Variants in SMC4 observed in about 807,000 individuals in gnomAD.
SMC4 encodes structural maintenance of chromosomes protein 4.
SMC4 carries 87 observed loss-of-function variants against 145.6 expected under a neutral mutation model. The ratio of observed to expected loss-of-function variants is 0.60; its 90% CI spans 0.50 to 0.71. The LOEUF (loss-of-function observed/expected upper bound fraction) is 0.71. Ranked by LOEUF, SMC4 falls within the 30% of genes least tolerant of loss-of-function variation. The pLI is 0.00. For synonymous variants in SMC4, 558 were observed against 500.7 expected (o/e 1.11, Z -1.53); for missense variants, 1,447 against 1,537.1 (o/e 0.94, Z 0.98).
chr3:160,416,395 G>T lies in SMC4; in HGVS notation c.1417G>T (p.Gly473Trp). The T allele has an allele frequency of 2.0e-6, 3 of 1,493,272 alleles. No individual in the cohort carries two copies. The highest frequency in any genetic ancestry group is 2.7e-6 in the Non-Finnish European group (3 of 1,123,530). 92.5% of individuals were successfully genotyped at this position (1,493,272 alleles called of 1,614,324 possible). Residue 473 changes from glycine (G) to tryptophan (W), a missense_variant, in exon 10 of 24, where the codon GGG (glycine) becomes TGG (tryptophan). Transcript: ENST00000357388. The stretch of plus-strand genomic sequence containing the variant: ...GGATAGCCTTAAACAGGAAACACAA[G>T]GGCTTCAGAAAGAAAAAGAAGTAAG... ...VMDSLKQETQ[G>W]LQKEKESREK...
In SMC4 at chr3:160,423,762, T is replaced by C; in HGVS notation, c.2247T>C (p.Gly749=). ...TGACTTCTCTCCCCTGTTTTCCAGG[T>C]ACAATGACTGGTGGTGGAAGCAAAG... ...TLQGQIIEQS[G]TMTGGGSKVM... The change falls in exon 15 of 24, where the codon GGT becomes GGC. Residue 749 remains glycine (G), a splice_region_variant and synonymous_variant. Coordinates refer to ENST00000357388, the MANE Select transcript of SMC4 (RefSeq NM_001002800.3). The C allele has an allele frequency of 1.9e-6, 3 of 1,613,438 alleles. No homozygotes were observed. Among genetic ancestry groups the C allele is most frequent in the Non-Finnish European group, 2.5e-6 (3 of 1,179,734 alleles).
At chr3:160,428,204 CT>C in intron 17 of SMC4, among the ~76,000 whole-genome samples, 1 of 152,292 alleles carries the variant, frequency 6.6e-6, no homozygotes, top group South Asian at 2.1e-4. Flanking sequence ...TATGCAAGTA[CT>C]TTTGATTGAA....
intron 1 of SMC4, 41 bp from the exon 2 acceptor site, chr3:160,400,781 G>C: frequency 6.9e-7 from 1 of 1,457,100 alleles, no homozygotes; most frequent in Non-Finnish European, 9.0e-7. Flanking sequence ...CGGTGTAGCG[G>C]CCCGCGGGCT....
chr3:160,404,503 A>G lies in SMC4; in HGVS notation c.686A>G (p.Gln229Arg). The change falls in exon 5 of 24, where the codon CAG (glutamine) becomes CGG (arginine). Residue 229 changes from glutamine to arginine, a missense_variant and splice_region_variant. Physicochemically the swap from Gln to Arg is conservative, Grantham distance 43 (BLOSUM62 1). Transcript: ENST00000357388. ...DLDHNRFLIL[Q>R]GEVEQIAMMK... ...GACCATAATAGATTTTTAATTTTAC[A>G]GGTAAGTTTATTAAAGACTTCAAAG... is the stretch of plus-strand genomic sequence containing the variant. The G allele has an allele frequency of 2.5e-6, 4 of 1,601,610 alleles. No individual in the cohort carries two copies. Among genetic ancestry groups the G allele is most frequent in the Non-Finnish European group, 3.4e-6 (4 of 1,176,276 alleles).
intron 9 of SMC4, among the ~76,000 whole-genome samples, chr3:160,415,777 A>G (rs1049746506): frequency 6.6e-6 from 1 of 152,274 alleles, no homozygotes; most frequent in African/African-American, 2.4e-5. Flanking sequence ...AGTGATTATT[A>G]TCAGAAGATG....
intron 2 of SMC4, among the ~76,000 whole-genome samples, chr3:160,401,226 C>T (rs1316217678): frequency 6.6e-6 from 1 of 151,798 alleles, no homozygotes; most frequent in African/African-American, 2.4e-5. Flanking sequence ...TGGAATGGTA[C>T]AGGTCACAAA....
At position 160,423,387 on chromosome 3, in the gene SMC4, TA is replaced by T. The variant is rs756106939; in HGVS notation, c.2020-36del. 64 of 1,228,436 alleles carry T rather than the reference TA, an allele frequency of 5.2e-5. 3 individuals carry two copies. The South Asian group carries it at 9.5e-4, about 18-fold the overall frequency. 76.1% of individuals were successfully genotyped at this position (1,228,436 alleles called of 1,614,324 possible). On this transcript the variant is annotated intron_variant, in intron 13 of 23. Coordinates refer to ENST00000357388, the MANE Select transcript of SMC4 (RefSeq NM_001002800.3). ...TTTTTTTTTGAGTTTTCTTTTTTGT[TA>T]ACTGTTGTTTTTGTTTGTTTGTTTG...
At chr3:160,424,792 A>T (rs925719325) in intron 15 of SMC4, 75 bp from the exon 16 acceptor site, 38 of 1,560,438 alleles carry the variant, frequency 2.4e-5, no homozygotes, top group Non-Finnish European at 3.2e-5. Context: ...CCTGGGCGAC[A>T]GAAGTTTTAG....
chr3:160,414,276 T>TA (rs1716358566), intron 8 of SMC4, 91 bp from the exon 9 acceptor site: 1 of 1,042,452 alleles, frequency 9.6e-7, no homozygotes, highest in Non-Finnish European at 1.5e-6. Context: ...AGCCTGGACA[T>TA]ATTTATAGAG....
rs893867254 is a variant in SMC4 at position 160,433,286 on chromosome 3, T to G, written c.3714+77T>G. ...AACATTACACATGGAATTCTTTATT[T>G]CTTACAATTGAGCTTTTTCTTTATT... On this transcript the variant is annotated intron_variant, in intron 23 of 23. Coordinates refer to ENST00000357388, the MANE Select transcript of SMC4 (RefSeq NM_001002800.3). 1.5e-5 allele frequency: 15 copies of G among 1,031,770 alleles called. No homozygotes were observed. In the African/African-American group the frequency reaches 2.2e-4, roughly 15 times the overall value. The allele number at this position is 1,031,770 out of a possible 1,614,324, so 63.9% of individuals were successfully genotyped here.
chr3:160,432,870 GT>G, intron 22 of SMC4, 155 bp from the exon 23 acceptor site: 1 of 612,792 alleles, frequency 1.6e-6, no homozygotes. Context: ...CTCCAATAAC[GT>G]TTTTATAAAA....
intron 5 of SMC4, among the ~76,000 whole-genome samples, chr3:160,408,000 A>G (rs1715533803): frequency 6.6e-6 from 1 of 152,200 alleles, no homozygotes; most frequent in Non-Finnish European, 1.5e-5. Context: ...GGAGGAAGAT[A>G]AAGAACACTA....
rs1233169612 is a variant in SMC4, at chr3:160,428,834, A to C, written c.2687A>C (p.Asn896Thr). ...RLHNTIVEIN[N>T]HKLKAQQDKL... is the part of the protein sequence containing the mutation. ...CACAATACCATCGTAGAAATCAATA[A>C]TCATAAACTCAAGGCCCAACAAGAC... is the stretch of plus-strand genomic sequence containing the variant. The change falls in exon 18 of 24, where the codon AAT (asparagine) becomes ACT (threonine). Residue 896 changes from asparagine to threonine, a missense_variant. Transcript: ENST00000357388. 3.1e-6 allele frequency: 5 copies of C among 1,607,454 alleles called. No individual in the cohort carries two copies. The highest frequency in any genetic ancestry group is 4.2e-6 in the Non-Finnish European group (5 of 1,178,722).
At chr3:160,427,702 TTAAA>T (rs1717941153) in intron 17 of SMC4, among the ~76,000 whole-genome samples, 1 of 152,214 alleles carries the variant, frequency 6.6e-6, no homozygotes, top group Admixed American at 6.5e-5. Context: ...ATCTTTAAAA[TTAAA>T]TATTTTCAAC....
chr3:160,401,881 T>C (rs769889400), intron 2 of SMC4, 34 bp from the exon 3 acceptor site: 2 of 1,518,124 alleles, frequency 1.3e-6, no homozygotes, highest in Non-Finnish European at 1.8e-6. Flanking sequence ...CCCCCGCCGT[T>C]TGCCTTCGTT....
At position 160,403,907 on chromosome 3, in the gene SMC4, TG is replaced by T. The variant is rs1715005558; in HGVS notation, c.511-420del. On this transcript the variant is annotated intron_variant, in intron 4 of 23. Coordinates refer to ENST00000357388, the MANE Select transcript of SMC4 (RefSeq NM_001002800.3). ...ACCCTCCCACACAAAAAAACTAAAG[TG>T]TATCACCCGGTTACTACCTTCCTTC... 4 of 156,966 alleles carry T rather than the reference TG, an allele frequency of 2.5e-5. No homozygotes were observed. In the Admixed American group the frequency reaches 2.6e-4, roughly 10 times the overall value. 9.7% of individuals were successfully genotyped at this position (156,966 alleles called of 1,614,324 possible).
rs188288803 is a variant in SMC4 at position 160,433,998 on chromosome 3, A to G, written c.*189A>G. On this transcript the variant is annotated 3_prime_UTR_variant, in exon 24 of 24. Coordinates refer to ENST00000357388, the MANE Select transcript of SMC4 (RefSeq NM_001002800.3). ...ATAATTGCTTCTAGATTACAAAAAT[A>G]TGACAATCTTGTAAGTAGCAGACTA... 2.2e-3 allele frequency: 978 copies of G among 443,032 alleles called. 2 individuals are homozygous for G. Among genetic ancestry groups the G allele is most frequent in the Non-Finnish European group, 3.1e-3 (790 of 251,886 alleles). 27.4% of individuals were successfully genotyped at this position (443,032 alleles called of 1,614,324 possible). A position where few individuals can be genotyped will look rare whatever the true frequency, so the allele number is the denominator to read the frequency against.
At chr3:160,428,683 A>C in intron 17 of SMC4, 70 bp from the exon 18 acceptor site, 1 of 1,416,900 alleles carries the variant, frequency 7.1e-7, no homozygotes, top group Middle Eastern at 2.5e-4. Flanking sequence ...CAACTGAAGA[A>C]ATGTACATCT....
intron 13 of SMC4, among the ~76,000 whole-genome samples, chr3:160,422,477 A>G (rs1717285619): frequency 6.6e-6 from 1 of 152,100 alleles, no homozygotes; most frequent in Admixed American, 6.5e-5. Context: ...GTCCTTGGCC[A>G]TTTGTTATCT....
Sources: gnomAD v4.1 joint callset for allele counts (sites outside exome capture counted in the v4.1 genomes callset) on GRCh38, gnomAD v4.1.1 for gene constraint, MANE v1.5 for transcripts, NCBI Gene and HGNC (gene_info 2026-07-23, HGNC 2026-07-21) for gene names.